FCER2: variants seen among roughly 807,000 people sequenced by gnomAD.
FCER2 encodes Fc epsilon receptor II.
In FCER2, 38 loss-of-function variants were observed where a neutral mutation model predicts 49.7. The ratio of observed to expected loss-of-function variants is 0.76; its 90% confidence interval spans 0.59 to 1.00. FCER2 has a LOEUF of 1.00. Among genes scored for constraint, FCER2 ranks in the 50% least tolerant of loss-of-function variants. The pLI is 0.00. For synonymous variants in FCER2, 163 were observed against 164.6 expected (o/e 0.99, Z 0.07); for missense variants, 425 against 419.5 (o/e 1.01, Z -0.11).
At chr19:7,691,037 G>A (rs1236709580) in intron 8 of FCER2, among the ~76,000 whole-genome samples, 3 of 71,654 alleles carry the variant, frequency 4.2e-5, no homozygotes, top group South Asian at 4.8e-4. Context: ...GTCCAACAAC[G>A]CTTCAACCAC....
At chr19:7,693,655 T>C (rs565034929) in intron 8 of FCER2, among the ~76,000 whole-genome samples, 1 of 152,150 alleles carries the variant, frequency 6.6e-6, no homozygotes, top group African/African-American at 2.4e-5. Context: ...TTGTTTTGTT[T>C]TGTTTTGTTT....
chr19:7,699,515 G>C, intron 2 of FCER2: 1 of 1,409,776 alleles, frequency 7.1e-7, no homozygotes, highest in African/African-American at 1.5e-5. Flanking sequence ...TTGTCAGGAG[G>C]GTGTTGAATC....
intron 4 of FCER2, among the ~76,000 whole-genome samples, chr19:7,698,121 C>T (rs896972641): frequency 3.3e-5 from 5 of 152,212 alleles, no homozygotes; most frequent in African/African-American, 9.7e-5. Context: ...CTATTTTCAA[C>T]GTACTTTGCG....
chr19:7,693,368 C>T (rs1174260104), intron 8 of FCER2, among the ~76,000 whole-genome samples: 1 of 152,100 alleles, frequency 6.6e-6, no homozygotes, highest in African/African-American at 2.4e-5. Context: ...TCCCCTTCCC[C>T]CCACCGCAGT....
intron 8 of FCER2, 70 bp from the exon 9 acceptor site, chr19:7,690,627 G>A (rs1378846790): frequency 1.3e-6 from 2 of 1,527,324 alleles, no homozygotes; most frequent in Non-Finnish European, 1.8e-6. Flanking sequence ...AGACTAGGTG[G>A]CAGCACCCCT....
chr19:7,700,088 A>G (rs1344990507), intron 1 of FCER2: 1 of 357,136 alleles, frequency 2.8e-6, no homozygotes, highest in Non-Finnish European at 5.1e-6. Flanking sequence ...CACCCATGAG[A>G]TCTTGACAAA....
chr19:7,698,348 C>T lies in FCER2; in HGVS notation c.190+8G>A, dbSNP rs757016719. 1.9e-6 allele frequency: 3 copies of T among 1,605,964 alleles called. No homozygotes were observed. The highest frequency in any genetic ancestry group is 1.3e-5 in the African/African-American group (1 of 74,782). ...ACCCCCACCCCCTCCACCTTGACCCCTTCATACCGTTCCGGGCAGCCCTCT... is the reference window on the plus strand; with the variant it reads ...ACCCCCACCCCCTCCACCTTGACCCTTTCATACCGTTCCGGGCAGCCCTCT... On this transcript the variant is annotated splice_region_variant and intron_variant, in intron 4 of 10. Transcript: ENST00000597921.
At chr19:7,701,693 C>T (rs536768504) in intron 1 of FCER2, among the ~76,000 whole-genome samples, 2 of 152,164 alleles carry the variant, frequency 1.3e-5, no homozygotes, top group South Asian at 4.2e-4. Flanking sequence ...AACTCCAGGC[C>T]GTCCTTCTAA....
At chr19:7,690,898 T>C (rs951543807) in intron 8 of FCER2, among the ~76,000 whole-genome samples, 5 of 151,816 alleles carry the variant, frequency 3.3e-5, no homozygotes, top group Admixed American at 1.3e-4. Context: ...CACACATTCA[T>C]GTCCAATATG....
chr19:7,689,351 C>T lies in FCER2; in HGVS notation c.808G>A (p.Asp270Asn), dbSNP rs770281665. The change falls in exon 11 of 11, where the codon GAC (aspartate) becomes AAC (asparagine). Residue 270 changes from aspartate to asparagine, a missense_variant. Transcript: ENST00000597921. ...VMMRGSGRWN[D>N]AFCDRKLGAW... ...CCCAGCTTACGGTCGCAGAAGGCGT[C>T]GTTCCAGCGACCGGAGCCCCGCATC... 3.1e-6 allele frequency: 5 copies of T among 1,611,414 alleles called. No individual in the cohort carries two copies. The highest frequency in any genetic ancestry group is 4.2e-6 in the Non-Finnish European group (5 of 1,179,202).
At chr19:7,692,066 G>A (rs368409537) in intron 8 of FCER2, among the ~76,000 whole-genome samples, 2 of 71,554 alleles carry the variant, frequency 2.8e-5, no homozygotes, top group South Asian at 4.9e-4. Context: ...CCATCACCAC[G>A]AGCACATTCA....
At chr19:7,698,309 G>A (rs1421759226) in intron 4 of FCER2, 47 bp downstream of exon 4, 11 of 1,355,380 alleles carry the variant, frequency 8.1e-6, no homozygotes, top group Middle Eastern at 1.9e-4. Flanking sequence ...TGAGTGCTGG[G>A]CATCCTAACC....
intron 4 of FCER2, among the ~76,000 whole-genome samples, chr19:7,698,137 G>A (rs978892539): frequency 3.9e-5 from 6 of 152,178 alleles, no homozygotes; most frequent in African/African-American, 1.4e-4. Context: ...TTGCGCTTAT[G>A]GGGACATAAC....
At position 7,698,382 on chromosome 19, in the gene FCER2, T is replaced by A. The variant is rs761301362; in HGVS notation, c.164A>T (p.Gln55Leu). Residue 55 changes from glutamine (Q) to leucine (L), a missense_variant, in exon 4 of 11, where the codon CAG (glutamine) becomes CTG (leucine). By Grantham distance (113) the Gln-to-Leu change is moderately radical. Transcript: ENST00000597921. ...WHWDTTQSLK[Q>L]LEERAARNVS... ...GTTCCGGGCAGCCCTCTCTTCCAGC[T>A]GTTTTAGACTCTGTGTGGTGTCCCA... The A allele has an allele frequency of 6.2e-7, 1 of 1,612,380 alleles. No homozygotes were observed. Among genetic ancestry groups the A allele is most frequent in the Non-Finnish European group, 8.5e-7 (1 of 1,178,932 alleles).
chr19:7,700,181 T>C (rs1419839149), intron 1 of FCER2: 3 of 171,436 alleles, frequency 1.7e-5, no homozygotes, highest in African/African-American at 7.2e-5. Context: ...TGGTGATCTG[T>C]GCTAAAAATA....
chr19:7,694,520 G>C (rs1269610420), intron 8 of FCER2, among the ~76,000 whole-genome samples: 1 of 152,230 alleles, frequency 6.6e-6, no homozygotes, highest in Non-Finnish European at 1.5e-5. Context: ...ATCCCAGGCT[G>C]TGGGGCTGGA....
chr19:7,701,850 T>C (rs2033157425), intron 1 of FCER2, among the ~76,000 whole-genome samples, 165 bp downstream of exon 1: 1 of 151,804 alleles, frequency 6.6e-6, no homozygotes, highest in Non-Finnish European at 1.5e-5. Context: ...CGAGATTCTG[T>C]CCACACTGCG....
chr19:7,696,946 G>A (rs368993754), intron 7 of FCER2, 32 bp from the exon 8 acceptor site: 1 of 1,563,868 alleles, frequency 6.4e-7, no homozygotes, highest in African/African-American at 1.4e-5. Flanking sequence ...GGTGCTCAGA[G>A]ACCAACTGGC....
chr19:7,693,499 C>CAT (rs2032935463), intron 8 of FCER2, among the ~76,000 whole-genome samples: 1 of 152,054 alleles, frequency 6.6e-6, no homozygotes, highest in African/African-American at 2.4e-5. Flanking sequence ...GTAATCCCAG[C>CAT]TACTTGGGAG....
Sources: gnomAD v4.1 joint callset for allele counts (sites outside exome capture counted in the v4.1 genomes callset) on GRCh38, gnomAD v4.1.1 for gene constraint, MANE v1.5 for transcripts, NCBI Gene and HGNC (gene_info 2026-07-23, HGNC 2026-07-21) for gene names.